PTAR1: variants seen among roughly 807,000 people sequenced by gnomAD.
The protein encoded by PTAR1 is protein prenyltransferase alpha subunit repeat-containing protein 1.
A neutral mutation model predicts 45.5 loss-of-function variants in PTAR1; 17 were observed. The ratio of observed to expected loss-of-function variants is 0.37; its 90% CI spans 0.26 to 0.56. PTAR1 has a LOEUF of 0.56. Among genes scored for constraint, PTAR1 ranks in the 20% least tolerant of loss-of-function variants. The pLI, the probability that PTAR1 is intolerant of heterozygous loss-of-function variation, is 0.77. For synonymous variants in PTAR1, 169 were observed against 171.3 expected (o/e 0.99, Z 0.11); for missense variants, 391 against 476.3 (o/e 0.82, Z 1.67).
In PTAR1 at chr9:69,716,723, C is replaced by T. The variant is rs989051479; in HGVS notation, c.*1619G>A. The T allele has an allele frequency of 5.3e-5, 8 of 152,118 alleles. No individual in the cohort carries two copies. Among genetic ancestry groups the T allele is most frequent in the African/African-American group, 1.9e-4 (8 of 41,426 alleles). 9.4% of individuals were successfully genotyped at this position (152,118 alleles called of 1,614,324 possible). A position where few individuals can be genotyped will look rare whatever the true frequency, so the allele number is the denominator to read the frequency against. ...CACTTATTTCTGCCACTATTACTCA[C>T]ATTCTGCACAGATAGGACAACTGAC... On this transcript the variant is annotated 3_prime_UTR_variant, in exon 8 of 8. Coordinates refer to ENST00000340434, the MANE Select transcript of PTAR1 (RefSeq NM_001099666.2).
intron 6 of PTAR1, among the ~76,000 whole-genome samples, chr9:69,720,962 G>A (rs548069971): frequency 6.6e-6 from 1 of 152,316 alleles, no homozygotes; most frequent in Admixed American, 6.5e-5. Context: ...AAAGATTCAT[G>A]TTGCTTTCAT....
At chr9:69,727,223 T>C (rs1825331071) in intron 5 of PTAR1, among the ~76,000 whole-genome samples, 1 of 152,156 alleles carries the variant, frequency 6.6e-6, no homozygotes, top group Admixed American at 6.6e-5. Context: ...TGGGTATACA[T>C]TATTAACAGT....
chr9:69,729,835 A>C (rs907155799), intron 5 of PTAR1, among the ~76,000 whole-genome samples: 2 of 152,234 alleles, frequency 1.3e-5, no homozygotes, highest in African/African-American at 4.8e-5. Context: ...CAGAACTCTT[A>C]AAAATAACAC....
intron 3 of PTAR1, among the ~76,000 whole-genome samples, chr9:69,740,215 G>A (rs1825980947): frequency 6.6e-6 from 1 of 152,008 alleles, no homozygotes; most frequent in South Asian, 2.1e-4. Flanking sequence ...GTGTGTGTAT[G>A]TATGTATGTA....
chr9:69,723,114 G>A (rs1825102864), intron 6 of PTAR1, among the ~76,000 whole-genome samples: 1 of 142,504 alleles, frequency 7.0e-6, no homozygotes, highest in Admixed American at 7.4e-5. Context: ...TGCAGGCAGA[G>A]ATCTACATGA....
rs116779422 is a variant in PTAR1, at chr9:69,749,217, T to C, written c.256+1564A>G. On this transcript the variant is annotated intron_variant, in intron 2 of 7. Coordinates refer to ENST00000340434, the MANE Select transcript of PTAR1 (RefSeq NM_001099666.2). ...ACAGAAAGGGTAGGTTGAGCTAACATACATAAATGGGCAACTATAGCCTCT... is the reference window on the plus strand; with the variant it reads ...ACAGAAAGGGTAGGTTGAGCTAACACACATAAATGGGCAACTATAGCCTCT... 5.3e-3 allele frequency among the ~76,000 whole-genome samples: 811 copies of C among 152,264 alleles called. 3 individuals carry two copies. Among genetic ancestry groups the C allele is most frequent in the African/African-American group, 0.018 (738 of 41,562 alleles).
chr9:69,723,243 G>C, intron 6 of PTAR1, 83 bp downstream of exon 6: 1 of 1,153,408 alleles, frequency 8.7e-7, no homozygotes, highest in Non-Finnish European at 1.3e-6. Flanking sequence ...CAAGCAGGCA[G>C]GAATCAGGTG....
chr9:69,747,096 C>G (rs1588478636), intron 2 of PTAR1, among the ~76,000 whole-genome samples: 1 of 152,192 alleles, frequency 6.6e-6, no homozygotes, highest in African/African-American at 2.4e-5. Context: ...CTTACAAACT[C>G]TTGTTACTCG....
At chr9:69,732,484 G>T (rs1191697362) in intron 4 of PTAR1, 132 bp from the exon 5 acceptor site, 1 of 653,854 alleles carries the variant, frequency 1.5e-6, no homozygotes, top group African/African-American at 1.8e-5. Flanking sequence ...TATAAGTCTA[G>T]TATTTTGGAG....
intron 5 of PTAR1, among the ~76,000 whole-genome samples, chr9:69,727,088 T>C (rs865900686): frequency 6.0e-4 from 91 of 151,892 alleles, no homozygotes; most frequent in African/African-American, 2.2e-3. Flanking sequence ...ATGTACGACA[T>C]ATTGTTTTTA....
At chr9:69,746,767 A>G (rs1826293676) in intron 2 of PTAR1, among the ~76,000 whole-genome samples, 1 of 152,226 alleles carries the variant, frequency 6.6e-6, no homozygotes, top group Non-Finnish European at 1.5e-5. Flanking sequence ...CAAGGAGAAG[A>G]TAAAAGGATG....
chr9:69,728,919 TTGTG>T (rs1265533103), intron 5 of PTAR1, among the ~76,000 whole-genome samples: 1 of 152,310 alleles, frequency 6.6e-6, no homozygotes, highest in South Asian at 2.1e-4. Context: ...TATAGCATTG[TTGTG>T]TGTATGTATT....
chr9:69,726,201 G>A (rs889504636), intron 5 of PTAR1, among the ~76,000 whole-genome samples: 2 of 152,030 alleles, frequency 1.3e-5, no homozygotes, highest in Non-Finnish European at 2.9e-5. Context: ...ATCACTACTT[G>A]TAACATTCTG....
intron 2 of PTAR1, among the ~76,000 whole-genome samples, chr9:69,747,579 A>G (rs1826329057): frequency 6.6e-6 from 1 of 152,212 alleles, no homozygotes; most frequent in Non-Finnish European, 1.5e-5. Context: ...AGAAGTATCA[A>G]CTAACACTCT....
rs1051094528 is a variant in PTAR1 at position 69,710,353 on chromosome 9, CTG to C, written c.*7987_*7988del. 3.3e-5 allele frequency: 5 copies of C among 152,018 alleles called. No individual in the cohort carries two copies. Among genetic ancestry groups the C allele is most frequent in the South Asian group, 2.1e-4 (1 of 4,834 alleles). The allele number at this position is 152,018 out of a possible 1,614,324, so 9.4% of individuals were successfully genotyped here. A position where few individuals can be genotyped will look rare whatever the true frequency, so the allele number is the denominator to read the frequency against. On this transcript the variant is annotated 3_prime_UTR_variant, in exon 8 of 8. Coordinates refer to ENST00000340434, the MANE Select transcript of PTAR1 (RefSeq NM_001099666.2). ...TTTTTAATATACTGGGTTACATAAACTGTTATTAAAATTAATTTTGCTTGTTT... is the reference window on the plus strand; with the variant it reads ...TTTTTAATATACTGGGTTACATAAACTTATTAAAATTAATTTTGCTTGTTT...
chr9:69,751,342 TA>T (rs202183826), intron 1 of PTAR1, among the ~76,000 whole-genome samples: 65 of 143,776 alleles, frequency 4.5e-4, no homozygotes, highest in African/African-American at 9.4e-4. Context: ...ATAAGACTAG[TA>T]AAAAAAAAAG....
intron 6 of PTAR1, among the ~76,000 whole-genome samples, chr9:69,720,264 G>A (rs571474572): frequency 8.5e-5 from 13 of 152,272 alleles, no homozygotes; most frequent in African/African-American, 2.9e-4. Context: ...AATGATAAGC[G>A]AAACACAGTC....
chr9:69,755,650 C>A (rs1826744165), intron 1 of PTAR1, among the ~76,000 whole-genome samples: 1 of 152,034 alleles, frequency 6.6e-6, no homozygotes, highest in Non-Finnish European at 1.5e-5. Context: ...TCCCACCCCC[C>A]AAAAGAACTG....
rs1225376992 is a variant in PTAR1 at position 69,718,336 on chromosome 9, C to G, written c.*6G>C. 1 of 1,584,620 alleles carries G rather than the reference C, an allele frequency of 6.3e-7. No homozygotes were observed. The highest frequency in any genetic ancestry group is 8.6e-7 in the Non-Finnish European group (1 of 1,162,700). ...AGGGGAACCTTGTAGGACTAATTCA[C>G]CTCTTTCATTGACTCAAAGTAACCA... is the stretch of plus-strand genomic sequence containing the variant. On this transcript the variant is annotated 3_prime_UTR_variant, in exon 8 of 8. Transcript: ENST00000340434.
Sources: allele counts gnomAD v4.1 joint callset (sites outside exome capture counted in the v4.1 genomes callset), GRCh38; gene constraint gnomAD v4.1.1; transcripts MANE v1.5; gene names NCBI Gene and HGNC (gene_info 2026-07-23, HGNC 2026-07-21).